Variants in PTPRG observed in about 807,000 individuals in gnomAD.
PTPRG encodes receptor-type tyrosine-protein phosphatase gamma.
Under a neutral mutation model 165.3 loss-of-function variants are expected in PTPRG, and 102 were observed. The ratio of observed to expected loss-of-function variants is 0.62; its 90% CI spans 0.53 to 0.73. The LOEUF (loss-of-function observed/expected upper bound fraction) is 0.73. Among genes scored for constraint, PTPRG ranks in the 30% least tolerant of loss-of-function variants. The pLI is 0.00. For synonymous variants in PTPRG, 675 were observed against 669.5 expected, an observed-to-expected ratio of 1.01 and a Z score of -0.13; for missense variants, 1,866 against 1,861.4, an observed-to-expected ratio of 1.00 and a Z score of -0.05.
At chr3:61,833,855 G>A (rs1260098940) in intron 2 of PTPRG, among the ~76,000 whole-genome samples, 3 of 152,250 alleles carry the variant, frequency 2.0e-5, no homozygotes, top group South Asian at 2.1e-4. Flanking sequence ...GTGAGCCACC[G>A]CGCCCAGCCG....
chr3:62,207,240 G>C (rs1700253153), intron 12 of PTPRG, among the ~76,000 whole-genome samples: 1 of 152,228 alleles, frequency 6.6e-6, no homozygotes, highest in Non-Finnish European at 1.5e-5. Context: ...GGATGTGATA[G>C]TATTTCAATT....
chr3:61,945,560 CAAAAAAAAAAAAA>C (rs71123242), intron 2 of PTPRG, among the ~76,000 whole-genome samples: 1 of 55,462 alleles, frequency 1.8e-5, no homozygotes, highest in Admixed American at 2.8e-4. Flanking sequence ...ACTCCGTCAC[CAAAAAAAAAAAAA>C]AAAAAAAAAA....
intron 15 of PTPRG, among the ~76,000 whole-genome samples, chr3:62,251,268 C>T (rs1271506504): frequency 6.6e-6 from 1 of 151,146 alleles, no homozygotes; most frequent in Non-Finnish European, 1.5e-5. Flanking sequence ...GCCTGTAGTC[C>T]CAGCTACGCA....
chr3:61,742,261 A>G (rs2033019488), intron 1 of PTPRG, among the ~76,000 whole-genome samples: 1 of 152,180 alleles, frequency 6.6e-6, no homozygotes, highest in Admixed American at 6.5e-5. Context: ...ATTCTGGAAT[A>G]AAAACATTTA....
At chr3:62,123,368 C>T (rs373814380) in intron 5 of PTPRG, among the ~76,000 whole-genome samples, 8 of 152,148 alleles carry the variant, frequency 5.3e-5, no homozygotes, top group Non-Finnish European at 1.2e-4. Flanking sequence ...GTCTCAGCCT[C>T]TGGGGTAGCT....
intron 3 of PTPRG, among the ~76,000 whole-genome samples, chr3:61,994,197 C>G (rs1299196294): frequency 2.0e-5 from 3 of 152,210 alleles, no homozygotes; most frequent in Non-Finnish European, 4.4e-5. Flanking sequence ...TCTTGCTGTT[C>G]CTAGCATTAG....
At chr3:62,194,342 A>G (rs1201101312) in intron 9 of PTPRG, among the ~76,000 whole-genome samples, 1 of 152,156 alleles carries the variant, frequency 6.6e-6, no homozygotes, top group African/African-American at 2.4e-5. Flanking sequence ...AGTACCTATG[A>G]AGTAGCTCTT....
intron 2 of PTPRG, among the ~76,000 whole-genome samples, chr3:61,872,386 C>T (rs1378116170): frequency 1.3e-5 from 2 of 152,104 alleles, no homozygotes; most frequent in Non-Finnish European, 2.9e-5. Flanking sequence ...GGAGAAAGAA[C>T]GTTGGTTCTG....
intron 8 of PTPRG, among the ~76,000 whole-genome samples, chr3:62,181,337 TCTC>T (rs1442759569): frequency 2.0e-5 from 3 of 152,154 alleles, no homozygotes; most frequent in African/African-American, 4.8e-5. Context: ...CTTGGGCCAC[TCTC>T]CTCCTCATTC....
chr3:62,267,915 A>T, intron 19 of PTPRG, 96 bp downstream of exon 19: 1 of 1,389,494 alleles, frequency 7.2e-7, no homozygotes, highest in Non-Finnish European at 9.8e-7. Context: ...ACAAGGTATA[A>T]AGAGTTACGG....
At chr3:62,161,459 G>A (rs1013134984) in intron 7 of PTPRG, among the ~76,000 whole-genome samples, 20 of 152,198 alleles carry the variant, frequency 1.3e-4, no homozygotes, top group Non-Finnish European at 2.4e-4. Context: ...GAATAGCCAC[G>A]TGTGGCTACT....
chr3:62,074,358 T>TCTTTC lies in PTPRG; in HGVS notation c.520-3805_520-3804insCTTTC, dbSNP rs1559781815. On this transcript the variant is annotated intron_variant, in intron 4 of 29. Transcript: ENST00000474889. ...CCTTTCTTTTCTTTTCTTTCTTTTT[T>TCTTTC]TTTTTTTTTTTTTTTGAGACAGGAT... Among the ~76,000 whole-genome samples, 317 of 77,398 alleles carry TCTTTC rather than the reference T, an allele frequency of 4.1e-3. 2 individuals are homozygous for TCTTTC. The highest frequency in any genetic ancestry group is 0.011 in the African/African-American group (303 of 27,692). The allele number at this position is 77,398 out of a possible 152,430, so 50.8% of individuals were successfully genotyped here.
chr3:62,281,816 G>A (rs1289714539), intron 27 of PTPRG, 107 bp downstream of exon 27: 25 of 1,092,540 alleles, frequency 2.3e-5, no homozygotes, highest in Non-Finnish European at 3.0e-5. Context: ...TCAGGCATTT[G>A]AGTAAGACTT....
At chr3:61,753,752 C>T (rs1373486934) in intron 2 of PTPRG, 1 of 347,254 alleles carries the variant, frequency 2.9e-6, no homozygotes, top group East Asian at 7.9e-5. Flanking sequence ...CACAATCACA[C>T]TCCCAGCTAA....
intron 1 of PTPRG, among the ~76,000 whole-genome samples, chr3:61,614,587 GTAT>G (rs1701256734): frequency 6.6e-6 from 1 of 151,590 alleles, no homozygotes; most frequent in Non-Finnish European, 1.5e-5. Context: ...TTTTTTTGGT[GTAT>G]TTTATGAGAT....
chr3:61,588,496 G>A (rs1300834867), intron 1 of PTPRG, among the ~76,000 whole-genome samples: 3 of 147,232 alleles, frequency 2.0e-5, no homozygotes, highest in African/African-American at 8.1e-5. Context: ...CTCAGCCTCT[G>A]GAGCAGTGAT....
At chr3:61,967,235 A>T (rs1322065994) in intron 2 of PTPRG, among the ~76,000 whole-genome samples, 1 of 152,170 alleles carries the variant, frequency 6.6e-6, no homozygotes, top group African/African-American at 2.4e-5. Context: ...TTGTCCGCAC[A>T]TCTGGTTGGG....
intron 13 of PTPRG, among the ~76,000 whole-genome samples, chr3:62,227,359 G>C (rs1186339539): frequency 2.6e-5 from 4 of 152,218 alleles, no homozygotes; most frequent in Admixed American, 2.6e-4. Flanking sequence ...TCATAAGAAT[G>C]ACTTCTCACA....
chr3:61,749,094 T>A (rs1373493453), intron 2 of PTPRG, 112 bp downstream of exon 2: 2 of 900,320 alleles, frequency 2.2e-6, no homozygotes, highest in African/African-American at 1.7e-5. Context: ...TGCTCAAATC[T>A]TTCGTAGTTC....
Sources: allele counts gnomAD v4.1 joint callset (sites outside exome capture counted in the v4.1 genomes callset), GRCh38; gene constraint gnomAD v4.1.1; transcripts MANE v1.5; gene names NCBI Gene and HGNC (gene_info 2026-07-23, HGNC 2026-07-21).